ZNF518A: variants seen among roughly 807,000 people sequenced by gnomAD.
ZNF518A encodes the protein zinc finger protein 518A.
ZNF518A carries 47 observed loss-of-function variants against 102.7 expected under a neutral mutation model. That is an observed-to-expected ratio of 0.46 (90% CI 0.36 to 0.58). The LOEUF (loss-of-function observed/expected upper bound fraction) is 0.58. ZNF518A is among the 20% of genes least tolerant of loss of function. ZNF518A has a pLI of 0.00. For synonymous variants in ZNF518A, 652 were observed against 594.6 expected, an observed-to-expected ratio of 1.10 and a Z score of -1.40; for missense variants, 1,793 against 1,699.8, an observed-to-expected ratio of 1.05 and a Z score of -0.96.
In ZNF518A at chr10:96,160,877, G is replaced by A; in HGVS notation, c.*103G>A. On this transcript the variant is annotated 3_prime_UTR_variant, in exon 6 of 6. Coordinates refer to ENST00000316045, the MANE Select transcript of ZNF518A (RefSeq NM_001330736.2). The stretch of plus-strand genomic sequence containing the variant: ...CATTTTCTACTTCAGTATAGTACCT[G>A]AAATCGAACATTTTAAAAGTTGATT... 10 of 1,190,188 alleles carry A rather than the reference G, an allele frequency of 8.4e-6. No individual in the cohort carries two copies. Among genetic ancestry groups the A allele is most frequent in the Non-Finnish European group, 1.1e-5 (10 of 895,418 alleles). 73.7% of individuals were successfully genotyped at this position (1,190,188 alleles called of 1,614,324 possible). A position where few individuals can be genotyped will look rare whatever the true frequency, so the allele number is the denominator to read the frequency against.
intron 1 of ZNF518A, among the ~76,000 whole-genome samples, chr10:96,172,606 TAA>T (rs1554890994): frequency 6.6e-6 from 1 of 152,002 alleles, no homozygotes; most frequent in Non-Finnish European, 1.5e-5. Context: ...TCACTGGAAT[TAA>T]GTTTGTATTT....
chr10:96,147,903 C>T (rs61858654), intron 3 of ZNF518A, among the ~76,000 whole-genome samples: 7,742 of 152,136 alleles, frequency 0.051, 272 homozygotes, highest in Middle Eastern at 0.085. Context: ...TCTTCCTGCC[C>T]TCCTGTTAGT....
At chr10:96,142,397 C>A (rs2081981044) in intron 3 of ZNF518A, among the ~76,000 whole-genome samples, 1 of 148,730 alleles carries the variant, frequency 6.7e-6, no homozygotes, top group Non-Finnish European at 1.5e-5. Context: ...TTTCAGTAAG[C>A]TTTTACTGTT....
At position 96,158,873 on chromosome 10, in the gene ZNF518A, C is replaced by T. The variant is rs376842154; in HGVS notation, c.2551C>T (p.Pro851Ser). 55 of 1,613,646 alleles carry T rather than the reference C, an allele frequency of 3.4e-5. No homozygotes were observed. The Admixed American group carries it at 4.2e-4, about 12-fold the overall frequency. Residue 851 changes from proline to serine, a missense_variant, in exon 6 of 6, where the codon CCT (proline) becomes TCT (serine). By Grantham distance (74) the Pro-to-Ser change is moderately conservative (BLOSUM62 -1). Around this residue, in one of 3 missense-constraint regions of ZNF518A, gnomAD observed 1,741 missense variants for 1,622.6 expected, o/e 1.07. Transcript: ENST00000316045. ...VPPGSVGINV[P>S]TNDLNLKFGK... ...ACCTGGCAGTGTGGGTATTAATGTG[C>T]CTACAAATGATTTGAATTTGAAATT...
downstream of ZNF518A, among the ~76,000 whole-genome samples, chr10:96,166,182 C>CT (rs2083139222): frequency 6.6e-6 from 1 of 152,162 alleles, no homozygotes; most frequent in African/African-American, 2.4e-5. Context: ...GTCCAGGCTC[C>CT]TAGCTGTTTG....
chr10:96,166,715 C>G (rs1233215981), downstream of ZNF518A, among the ~76,000 whole-genome samples: 5 of 152,050 alleles, frequency 3.3e-5, no homozygotes, highest in African/African-American at 1.2e-4. Flanking sequence ...TGCAGTGAGC[C>G]GAGATCGCAC....
chr10:96,153,634 A>T (rs1554881136), intron 3 of ZNF518A, among the ~76,000 whole-genome samples: 1 of 152,200 alleles, frequency 6.6e-6, no homozygotes, highest in Non-Finnish European at 1.5e-5. Context: ...GGCTAAGTGG[A>T]TTTCTTAATA....
Position 96,175,047 on chromosome 10 carries a change from A to G in ZNF518A, n.35+19000A>G, listed in dbSNP as rs78488368. ...ATTGGGGCCTCACTAGAACCCATCT[A>G]TCCTGGCCGCCTGGTCTCAAACTTC... On this transcript the variant is annotated intron_variant and non_coding_transcript_variant, in intron 1 of 2. Coordinates refer to the ZNF518A transcript ENST00000442635. Among the ~76,000 whole-genome samples, 361 of 152,244 alleles carry G rather than the reference A, an allele frequency of 2.4e-3. 2 individuals are homozygous for G. Among genetic ancestry groups the G allele is most frequent in the African/African-American group, 7.8e-3 (325 of 41,536 alleles).
chr10:96,186,425 G>A (rs1462238550), intron 1 of ZNF518A, among the ~76,000 whole-genome samples: 1 of 151,656 alleles, frequency 6.6e-6, no homozygotes, highest in Non-Finnish European at 1.5e-5. Context: ...TTTTGACGGA[G>A]TCTCTCTCTG....
intron 3 of ZNF518A, among the ~76,000 whole-genome samples, chr10:96,146,346 CT>C (rs1210831358): frequency 1.3e-5 from 2 of 152,110 alleles, no homozygotes; most frequent in African/African-American, 4.8e-5. Context: ...TCTCCAGACT[CT>C]TTATGTATGT....
intron 1 of ZNF518A, chr10:96,197,033 C>T: frequency 6.2e-7 from 1 of 1,612,856 alleles, no homozygotes; most frequent in Non-Finnish European, 8.5e-7. Context: ...GAATCATGGC[C>T]AGAGCTTTTC....
Position 96,162,624 on chromosome 10 carries a change from A to C in ZNF518A, c.*1850A>C, listed in dbSNP as rs2083041213. 6.0e-6 allele frequency: 1 copy of C among 166,500 alleles called. No individual in the cohort carries two copies. The highest frequency in any genetic ancestry group is 1.5e-5 in the Non-Finnish European group (1 of 68,042). 10.3% of individuals were successfully genotyped at this position (166,500 alleles called of 1,614,324 possible). A position where few individuals can be genotyped will look rare whatever the true frequency, so the allele number is the denominator to read the frequency against. ...TTAAATTGAGCCTAAGAATGGAGTTAATTGGAAATATACAGTATATATTAA... is the reference window on the plus strand; with the variant it reads ...TTAAATTGAGCCTAAGAATGGAGTTCATTGGAAATATACAGTATATATTAA... On this transcript the variant is annotated 3_prime_UTR_variant, in exon 6 of 6. Coordinates refer to ENST00000316045, the MANE Select transcript of ZNF518A (RefSeq NM_001330736.2).
chr10:96,156,178 A>G lies in ZNF518A; in HGVS notation c.-126-19A>G. 1 of 681,358 alleles carries G rather than the reference A, an allele frequency of 1.5e-6. No individual in the cohort carries two copies. Among genetic ancestry groups the G allele is most frequent in the Non-Finnish European group, 2.2e-6 (1 of 463,344 alleles). The allele number at this position is 681,358 out of a possible 1,614,324, so 42.2% of individuals were successfully genotyped here. A position where few individuals can be genotyped will look rare whatever the true frequency, so the allele number is the denominator to read the frequency against. On this transcript the variant is annotated intron_variant, in intron 5 of 5. Transcript: ENST00000316045. ...TATTATTTTTGTGATGAGAATTTCAATTCTTTGTTTAATTTTAGGTGAGTT... is the reference window on the plus strand; with the variant it reads ...TATTATTTTTGTGATGAGAATTTCAGTTCTTTGTTTAATTTTAGGTGAGTT...
At chr10:96,135,679 G>A (rs763730370) in intron 3 of ZNF518A, among the ~76,000 whole-genome samples, 106 of 152,308 alleles carry the variant, frequency 7.0e-4, no homozygotes, top group Non-Finnish European at 1.3e-3. Flanking sequence ...TATTTCTGGT[G>A]CACAGATTAA....
chr10:96,152,066 C>A (rs1319058410), intron 3 of ZNF518A, among the ~76,000 whole-genome samples: 1 of 152,218 alleles, frequency 6.6e-6, no homozygotes, highest in South Asian at 2.1e-4. Context: ...AATCTCAACA[C>A]TTTGGGAGGC....
chr10:96,181,470 T>C (rs2083239797), intron 1 of ZNF518A, among the ~76,000 whole-genome samples: 1 of 152,224 alleles, frequency 6.6e-6, no homozygotes, highest in Non-Finnish European at 1.5e-5. Context: ...AGGGTTTTTA[T>C]GGTTTTAGGT....
chr10:96,149,838 A>T (rs1043227937), intron 3 of ZNF518A, among the ~76,000 whole-genome samples: 2 of 152,092 alleles, frequency 1.3e-5, no homozygotes, highest in African/African-American at 4.8e-5. Flanking sequence ...TTTATATTCA[A>T]TGTATATATT....
At chr10:96,136,937 C>T (rs2081624192) in intron 3 of ZNF518A, among the ~76,000 whole-genome samples, 1 of 152,122 alleles carries the variant, frequency 6.6e-6, no homozygotes. Flanking sequence ...CTTTGTGGGC[C>T]ATATGGTTTC....
At chr10:96,135,355 C>T (rs2081546054) in intron 3 of ZNF518A, 1 of 152,074 alleles carries the variant, frequency 6.6e-6, no homozygotes. Context: ...GTCCTTGTGC[C>T]AAAATTTTTT....
Sources: gnomAD v4.1 joint callset for allele counts (sites outside exome capture counted in the v4.1 genomes callset) on GRCh38, gnomAD v4.1.1 for gene constraint, gnomAD v4.1.1 regional missense constraint, MANE v1.5 for transcripts, NCBI Gene and HGNC (gene_info 2026-07-23, HGNC 2026-07-21) for gene names.